The following FMN1 variants were observed in gnomAD, a reference collection of about 807,000 sequenced individuals.
FMN1 encodes the protein formin 1.
Under a neutral mutation model 132.4 loss-of-function variants are expected in FMN1, and 110 were observed. The observed-to-expected ratio is 0.83, with a 90% CI of 0.71 to 0.97. The LOEUF (loss-of-function observed/expected upper bound fraction) is 0.97. Among genes scored for constraint, FMN1 ranks in the 50% least tolerant of loss-of-function variants. FMN1 has a pLI of 0.00. For missense variants in FMN1, 1,792 were observed against 1,705.3 expected (o/e 1.05, Z -0.90); for synonymous variants, 722 against 651.7 (o/e 1.11, Z -1.64).
At chr15:32,983,726 A>T (rs1452517116) in intron 7 of FMN1, among the ~76,000 whole-genome samples, 3 of 152,208 alleles carry the variant, frequency 2.0e-5, no homozygotes, top group Non-Finnish European at 2.9e-5. Flanking sequence ...AAGTATCTAA[A>T]GCATTACTCA....
chr15:32,917,801 GAACA>G lies in FMN1; in HGVS notation c.3227-7270_3227-7267del, dbSNP rs138491927. ...AAGTTTCAATGAATTAACCAATTAAGAACAAACTACCCACAAAAGGCTACAAAGA... is the reference window on the plus strand; with the variant it reads ...AAGTTTCAATGAATTAACCAATTAAGAACTACCCACAAAAGGCTACAAAGA... On this transcript the variant is annotated intron_variant, in intron 10 of 20. Coordinates refer to ENST00000616417, the MANE Select transcript of FMN1 (RefSeq NM_001277313.2). Among the ~76,000 whole-genome samples the G allele has an allele frequency of 6.8e-3, 1,038 of 152,166 alleles. 6 individuals are homozygous for G. Among genetic ancestry groups the G allele is most frequent in the Middle Eastern group, 0.014 (4 of 294 alleles).
intron 19 of FMN1, among the ~76,000 whole-genome samples, chr15:32,785,945 C>CT: frequency 6.6e-6 from 1 of 152,248 alleles, no homozygotes; most frequent in South Asian, 2.1e-4. Context: ...ATATGAATCT[C>CT]TTTAAAAAAA....
At chr15:33,127,226 A>G (rs1264504216) in intron 4 of FMN1, among the ~76,000 whole-genome samples, 1 of 152,170 alleles carries the variant, frequency 6.6e-6, no homozygotes, top group Non-Finnish European at 1.5e-5. Flanking sequence ...AGAAAAATCA[A>G]CTGGTCGGAT....
intron 4 of FMN1, among the ~76,000 whole-genome samples, chr15:33,151,596 A>G (rs1964441207): frequency 6.6e-6 from 1 of 152,180 alleles, no homozygotes; most frequent in Admixed American, 6.5e-5. Context: ...TACATTGAGG[A>G]AAAAGAGGAT....
chr15:33,098,584 G>A (rs2039173691), intron 4 of FMN1, among the ~76,000 whole-genome samples: 1 of 152,286 alleles, frequency 6.6e-6, no homozygotes, highest in Non-Finnish European at 1.5e-5. Flanking sequence ...TTCTTACACA[G>A]GCACTCAGGG....
chr15:33,082,829 T>TA (rs1200226570), intron 5 of FMN1, among the ~76,000 whole-genome samples: 3 of 151,928 alleles, frequency 2.0e-5, no homozygotes, highest in Non-Finnish European at 2.9e-5. Context: ...CTAGGAGTGA[T>TA]AGAGTTAGTT....
At chr15:32,863,209 C>T (rs557459802) in intron 16 of FMN1, among the ~76,000 whole-genome samples, 5 of 152,204 alleles carry the variant, frequency 3.3e-5, no homozygotes, top group South Asian at 2.1e-4. Context: ...TTTGGGAGGC[C>T]GAGGCGGGCG....
chr15:33,033,288 C>T lies in FMN1; in HGVS notation c.2162-25213G>A, dbSNP rs1452931161. 2.6e-5 allele frequency among the ~76,000 whole-genome samples: 4 copies of T among 152,194 alleles called. No individual in the cohort carries two copies. In the East Asian group the frequency reaches 7.7e-4, roughly 29 times the overall value. Reference sequence around the variant, plus strand: ...CTTGTGATCCGCCCACCTCAGCCTCCCAAAGTGCTGGGATTACAGGCGTGA... The same window carrying T: ...CTTGTGATCCGCCCACCTCAGCCTCTCAAAGTGCTGGGATTACAGGCGTGA... On this transcript the variant is annotated intron_variant, in intron 6 of 20. Coordinates refer to ENST00000616417, the MANE Select transcript of FMN1 (RefSeq NM_001277313.2).
chr15:33,015,705 T>TAA (rs59255534), intron 6 of FMN1, among the ~76,000 whole-genome samples: 52,592 of 150,068 alleles, frequency 0.35, 10,254 homozygotes, highest in East Asian at 0.7. Flanking sequence ...ATATGTGACT[T>TAA]AAAAAAAAAA....
intron 5 of FMN1, among the ~76,000 whole-genome samples, chr15:33,077,367 A>T (rs1384263174): frequency 9.5e-5 from 9 of 94,354 alleles, no homozygotes; most frequent in Non-Finnish European, 1.6e-4. Context: ...ATATATATAT[A>T]TATTTTTTTT....
intron 18 of FMN1, among the ~76,000 whole-genome samples, chr15:32,803,087 G>A (rs976280578): frequency 6.6e-6 from 1 of 152,172 alleles, no homozygotes; most frequent in African/African-American, 2.4e-5. Context: ...CACCGTCTAT[G>A]GGATTTCAGA....
chr15:32,803,507 T>C (rs2057551592), intron 18 of FMN1, among the ~76,000 whole-genome samples: 1 of 152,086 alleles, frequency 6.6e-6, no homozygotes, highest in Non-Finnish European at 1.5e-5. Flanking sequence ...ATGCCTGAAG[T>C]GGGTGACATG....
intron 7 of FMN1, among the ~76,000 whole-genome samples, chr15:32,978,527 C>A (rs1156749548): frequency 6.6e-6 from 1 of 152,190 alleles, no homozygotes; most frequent in East Asian, 1.9e-4. Flanking sequence ...AATGAGCCAA[C>A]ATACTAATTC....
intron 7 of FMN1, among the ~76,000 whole-genome samples, chr15:32,987,690 T>G (rs1596405194): frequency 6.6e-6 from 1 of 151,840 alleles, no homozygotes; most frequent in South Asian, 2.1e-4. Context: ...AATGCCTACT[T>G]TCTTCTGAAT....
At chr15:33,102,619 G>A (rs2039336943) in intron 4 of FMN1, among the ~76,000 whole-genome samples, 2 of 151,984 alleles carry the variant, frequency 1.3e-5, no homozygotes. Context: ...TGGGTATTAT[G>A]GAGACCACAA....
intron 6 of FMN1, among the ~76,000 whole-genome samples, chr15:33,050,547 T>C (rs912232047): frequency 5.9e-5 from 9 of 152,076 alleles, no homozygotes; most frequent in Non-Finnish European, 1.2e-4. Flanking sequence ...ATCAGAAAAA[T>C]ACAAATTTAA....
At chr15:32,986,279 C>T (rs915249970) in intron 7 of FMN1, among the ~76,000 whole-genome samples, 6 of 152,050 alleles carry the variant, frequency 3.9e-5, no homozygotes, top group Non-Finnish European at 5.9e-5. Context: ...AAAGTGTATC[C>T]GTTGAGGCTA....
intron 9 of FMN1, among the ~76,000 whole-genome samples, chr15:32,937,937 A>G (rs1332303266): frequency 6.6e-6 from 1 of 152,232 alleles, no homozygotes; most frequent in African/African-American, 2.4e-5. Flanking sequence ...ACACATAGAA[A>G]TGGTTCAGTA....
chr15:32,777,294 T>A (rs1321176889), intron 19 of FMN1, among the ~76,000 whole-genome samples: 4 of 151,968 alleles, frequency 2.6e-5, no homozygotes, highest in Non-Finnish European at 5.9e-5. Context: ...TCTGAGGAAA[T>A]GTGAAACTAC....
Sources: allele counts gnomAD v4.1 joint callset (sites outside exome capture counted in the v4.1 genomes callset), GRCh38; gene constraint gnomAD v4.1.1; transcripts MANE v1.5; gene names NCBI Gene and HGNC (gene_info 2026-07-23, HGNC 2026-07-21).